Variants in GALNT17 observed in about 807,000 individuals in gnomAD.
GALNT17 encodes polypeptide N-acetylgalactosaminyltransferase 17.
In GALNT17, 29 loss-of-function variants were observed where a neutral mutation model predicts 63.7. The observed-to-expected ratio is 0.46, with a 90% confidence interval of 0.34 to 0.62. GALNT17 has a LOEUF of 0.62. Among genes scored for constraint, GALNT17 ranks in the 20% least tolerant of loss-of-function variants. GALNT17 has a pLI of 0.01. For synonymous variants in GALNT17, 305 were observed against 318.3 expected, an observed-to-expected ratio of 0.96 and a Z score of 0.45; for missense variants, 603 against 799.6, an observed-to-expected ratio of 0.75 and a Z score of 2.97.
chr7:71,451,780 A>G (rs948560076), intron 5 of GALNT17, among the ~76,000 whole-genome samples: 1 of 152,202 alleles, frequency 6.6e-6, no homozygotes, highest in Non-Finnish European at 1.5e-5. Context: ...GTTTAATTCC[A>G]GACTTTCTTT....
chr7:71,327,551 A>G lies in GALNT17; in HGVS notation c.239-7999A>G, dbSNP rs529351714. On this transcript the variant is annotated intron_variant, in intron 1 of 10. Coordinates refer to ENST00000333538, the MANE Select transcript of GALNT17 (RefSeq NM_022479.3). ...ATTTGGGTGAGGACATAGCCAAACC[A>G]TATCAGGTAGGATGCTGTATCTGTG... 1.1e-3 allele frequency among the ~76,000 whole-genome samples: 160 copies of G among 152,302 alleles called. 1 individual carries two copies. Among genetic ancestry groups the G allele is most frequent in the Non-Finnish European group, 1.4e-3 (96 of 68,030 alleles).
At chr7:71,412,517 T>G (rs1207295014) in intron 3 of GALNT17, among the ~76,000 whole-genome samples, 2 of 152,074 alleles carry the variant, frequency 1.3e-5, no homozygotes, top group Non-Finnish European at 2.9e-5. Flanking sequence ...GGATTACATA[T>G]GCCCGCCACC....
intron 2 of GALNT17, among the ~76,000 whole-genome samples, chr7:71,374,183 T>C (rs1792678311): frequency 6.6e-6 from 1 of 152,192 alleles, no homozygotes; most frequent in South Asian, 2.1e-4. Flanking sequence ...GATGAATAAT[T>C]CCTTCTTTTC....
At chr7:71,333,017 T>A (rs1791833498) in intron 1 of GALNT17, among the ~76,000 whole-genome samples, 1 of 152,208 alleles carries the variant, frequency 6.6e-6, no homozygotes, top group Admixed American at 6.5e-5. Flanking sequence ...ATATCACTCA[T>A]CTATTTAAAA....
chr7:71,532,882 A>G (rs4585628), intron 5 of GALNT17, among the ~76,000 whole-genome samples: 31,291 of 152,068 alleles, frequency 0.21, 5,617 homozygotes, highest in African/African-American at 0.49. Flanking sequence ...CCTTCCTAGG[A>G]CCACCATTTC....
rs1789781499 is a variant in GALNT17 at position 71,590,476 on chromosome 7, T to A, written c.1080+19074T>A. On this transcript the variant is annotated intron_variant, in intron 6 of 10. Coordinates refer to ENST00000333538, the MANE Select transcript of GALNT17 (RefSeq NM_022479.3). ...CTTGGGAATAAAGCAATAATTTGAT[T>A]CTCTATAAATGTGAACCTGAATTTA... Among the ~76,000 whole-genome samples, 3 of 152,312 alleles carry A rather than the reference T, an allele frequency of 2.0e-5. No homozygotes were observed. The South Asian group carries it at 6.2e-4, about 32-fold the overall frequency.
Position 71,459,915 on chromosome 7 carries a change from A to G in GALNT17, c.962+38810A>G, listed in dbSNP as rs181873981. 4.1e-3 allele frequency among the ~76,000 whole-genome samples: 622 copies of G among 152,216 alleles called. 3 individuals carry two copies. Among genetic ancestry groups the G allele is most frequent in the Middle Eastern group, 6.8e-3 (2 of 294 alleles). ...TAACATGAACATTTCCTTTCTATTA[A>G]CCCCAGGTCTTTAGACACACTCAAC... On this transcript the variant is annotated intron_variant, in intron 5 of 10. Transcript: ENST00000333538.
chr7:71,387,615 T>C (rs1048809126), intron 2 of GALNT17, among the ~76,000 whole-genome samples: 1 of 152,122 alleles, frequency 6.6e-6, no homozygotes, highest in Non-Finnish European at 1.5e-5. Context: ...TGTGAGGCAC[T>C]GCACCGTGTT....
At chr7:71,173,511 G>A (rs2116291483) in intron 1 of GALNT17, among the ~76,000 whole-genome samples, 1 of 152,272 alleles carries the variant, frequency 6.6e-6, no homozygotes, top group Admixed American at 6.5e-5. Flanking sequence ...TGTGGTTCAT[G>A]TCTGTATTCC....
chr7:71,492,578 C>A (rs1207789952), intron 5 of GALNT17, among the ~76,000 whole-genome samples: 1 of 152,148 alleles, frequency 6.6e-6, no homozygotes, highest in Non-Finnish European at 1.5e-5. Context: ...GGGTGGCTTT[C>A]CCTGGTGGAG....
intron 1 of GALNT17, among the ~76,000 whole-genome samples, chr7:71,215,689 T>G (rs377180709): frequency 3.7e-4 from 56 of 152,208 alleles, no homozygotes; most frequent in African/African-American, 1.3e-3. Flanking sequence ...TGTCGGATAT[T>G]ATATCCTGGG....
chr7:71,628,111 G>GA (rs138468872), intron 6 of GALNT17, among the ~76,000 whole-genome samples: 2 of 150,114 alleles, frequency 1.3e-5, no homozygotes, highest in African/African-American at 4.9e-5. Context: ...AGGTGATAAT[G>GA]AAAAAAAAAG....
At chr7:71,389,723 C>G (rs1023680791) in intron 3 of GALNT17, among the ~76,000 whole-genome samples, 9 of 152,070 alleles carry the variant, frequency 5.9e-5, no homozygotes, top group Admixed American at 1.3e-4. Flanking sequence ...TGTCCTTCTC[C>G]AAAAAGCGAA....
intron 2 of GALNT17, among the ~76,000 whole-genome samples, chr7:71,362,550 T>C (rs1208924908): frequency 6.6e-6 from 1 of 152,172 alleles, no homozygotes; most frequent in Non-Finnish European, 1.5e-5. Flanking sequence ...AACAAAGAAA[T>C]TCATTGATCC....
intron 2 of GALNT17, among the ~76,000 whole-genome samples, chr7:71,373,027 C>T (rs186278429): frequency 2.9e-4 from 44 of 152,216 alleles, no homozygotes; most frequent in Non-Finnish European, 5.1e-4. Flanking sequence ...TTATGCATTG[C>T]GTGTCTCATT....
intron 1 of GALNT17, among the ~76,000 whole-genome samples, chr7:71,303,734 C>A (rs1791241255): frequency 6.6e-6 from 1 of 152,012 alleles, no homozygotes; most frequent in Admixed American, 6.6e-5. Context: ...GCTGGACTCC[C>A]CTCTAAAGAA....
chr7:71,647,370 A>T (rs956206728), intron 6 of GALNT17, among the ~76,000 whole-genome samples: 1 of 152,024 alleles, frequency 6.6e-6, no homozygotes, highest in African/African-American at 2.4e-5. Context: ...TGCCCAGCCC[A>T]AATCTGCTAT....
At chr7:71,628,773 A>G (rs1310958059) in intron 6 of GALNT17, among the ~76,000 whole-genome samples, 1 of 151,934 alleles carries the variant, frequency 6.6e-6, no homozygotes, top group African/African-American at 2.4e-5. Context: ...TCTACTCATA[A>G]TATAAAAAAT....
chr7:71,556,418 C>T (rs1237192121), intron 5 of GALNT17, among the ~76,000 whole-genome samples: 2 of 152,286 alleles, frequency 1.3e-5, no homozygotes, highest in East Asian at 1.9e-4. Context: ...ATCTTTTAGA[C>T]ACTGCAGATC....
Sources: gnomAD v4.1 joint callset for allele counts (sites outside exome capture counted in the v4.1 genomes callset) on GRCh38, gnomAD v4.1.1 for gene constraint, MANE v1.5 for transcripts, NCBI Gene and HGNC (gene_info 2026-07-23, HGNC 2026-07-21) for gene names.